Variants in CNTNAP2 observed in about 807,000 individuals in gnomAD.
CNTNAP2 encodes the protein contactin-associated protein-like 2.
CNTNAP2 carries 98 observed loss-of-function variants against 155.2 expected under a neutral mutation model. The ratio of observed to expected loss-of-function variants is 0.63; its 90% confidence interval spans 0.54 to 0.75. CNTNAP2 has a LOEUF of 0.75. CNTNAP2 is among the 30% of genes least tolerant of loss of function. The pLI, the probability that CNTNAP2 is intolerant of heterozygous loss-of-function variation, is 0.00. For synonymous variants in CNTNAP2, 651 were observed against 631.2 expected, an observed-to-expected ratio of 1.03 and a Z score of -0.47; for missense variants, 1,727 against 1,688.1, an observed-to-expected ratio of 1.02 and a Z score of -0.40.
At chr7:148,151,125 GT>G (rs1805288197) in intron 17 of CNTNAP2, among the ~76,000 whole-genome samples, 1 of 152,122 alleles carries the variant, frequency 6.6e-6, no homozygotes, top group African/African-American at 2.4e-5. Flanking sequence ...TAACAATATG[GT>G]CTTTGACTAC....
intron 17 of CNTNAP2, among the ~76,000 whole-genome samples, chr7:148,164,293 T>A (rs1461073355): frequency 6.6e-6 from 1 of 152,052 alleles, no homozygotes; most frequent in African/African-American, 2.4e-5. Flanking sequence ...TAAGAAACAA[T>A]GGTAGCATAT....
At chr7:146,951,894 T>G (rs993955335) in intron 3 of CNTNAP2, among the ~76,000 whole-genome samples, 1 of 152,140 alleles carries the variant, frequency 6.6e-6, no homozygotes, top group Non-Finnish European at 1.5e-5. Context: ...AGTATGGCCA[T>G]TTTCGCGATA....
At chr7:146,385,742 T>A (rs1038691651) in intron 1 of CNTNAP2, among the ~76,000 whole-genome samples, 2 of 152,172 alleles carry the variant, frequency 1.3e-5, no homozygotes, top group African/African-American at 4.8e-5. Flanking sequence ...TCTCATAATA[T>A]CAGAGTTGAA....
intron 11 of CNTNAP2, among the ~76,000 whole-genome samples, chr7:147,529,189 T>C (rs906040539): frequency 6.6e-6 from 1 of 152,226 alleles, no homozygotes; most frequent in South Asian, 2.1e-4. Context: ...ATTTGGATTG[T>C]TTTTATACCA....
At chr7:147,496,024 A>T (rs1367778121) in intron 11 of CNTNAP2, among the ~76,000 whole-genome samples, 1 of 152,160 alleles carries the variant, frequency 6.6e-6, no homozygotes, top group Non-Finnish European at 1.5e-5. Flanking sequence ...TCCTTATGAG[A>T]ATCTAATGCC....
chr7:146,229,672 G>T (rs1324745965), intron 1 of CNTNAP2, among the ~76,000 whole-genome samples: 2 of 151,598 alleles, frequency 1.3e-5, no homozygotes, highest in Non-Finnish European at 2.9e-5. Flanking sequence ...TTCATCTTTT[G>T]GTAGTAAACT....
At chr7:146,497,113 C>A (rs149753488) in intron 1 of CNTNAP2, among the ~76,000 whole-genome samples, 35 of 152,286 alleles carry the variant, frequency 2.3e-4, no homozygotes, top group African/African-American at 8.4e-4. Flanking sequence ...ACGTGTCAGT[C>A]TCTGCTCTTC....
chr7:146,276,246 C>T (rs916661011), intron 1 of CNTNAP2, among the ~76,000 whole-genome samples: 8 of 152,150 alleles, frequency 5.3e-5, no homozygotes, highest in African/African-American at 1.9e-4. Flanking sequence ...ATTTGCTAAA[C>T]ATAAAGTCAA....
chr7:148,132,309 C>T (rs1480079646), intron 16 of CNTNAP2, among the ~76,000 whole-genome samples: 1 of 151,698 alleles, frequency 6.6e-6, no homozygotes, highest in African/African-American at 2.4e-5. Flanking sequence ...GGAGTGTGGT[C>T]ACAGTAAAAA....
intron 1 of CNTNAP2, among the ~76,000 whole-genome samples, chr7:146,560,805 C>G (rs1798269001): frequency 1.3e-5 from 2 of 152,156 alleles, no homozygotes; most frequent in South Asian, 4.1e-4. Flanking sequence ...TAGTACTTCT[C>G]TCTATTCCAA....
intron 10 of CNTNAP2, among the ~76,000 whole-genome samples, chr7:147,468,815 T>G (rs144371568): frequency 7.5e-6 from 1 of 134,124 alleles, no homozygotes; most frequent in Non-Finnish European, 1.5e-5. Flanking sequence ...TGCCTTATTA[T>G]TTTCTTTTTT....
At chr7:148,042,032 G>T (rs887097243) in intron 15 of CNTNAP2, among the ~76,000 whole-genome samples, 1 of 152,160 alleles carries the variant, frequency 6.6e-6, no homozygotes. Flanking sequence ...TGGGAAGATT[G>T]AAAGGTCAGC....
intron 10 of CNTNAP2, among the ~76,000 whole-genome samples, chr7:147,418,828 G>A (rs1187144298): frequency 6.6e-6 from 1 of 152,198 alleles, no homozygotes; most frequent in East Asian, 1.9e-4. Context: ...AGTTAGGATA[G>A]AATCTAGAGG....
intron 13 of CNTNAP2, among the ~76,000 whole-genome samples, chr7:147,803,593 T>A (rs766787645): frequency 6.6e-6 from 1 of 152,196 alleles, no homozygotes; most frequent in Non-Finnish European, 1.5e-5. Flanking sequence ...AAGAATGATA[T>A]GAAACAAAGG....
chr7:148,126,089 T>C (rs1804711941), intron 16 of CNTNAP2, among the ~76,000 whole-genome samples: 1 of 152,174 alleles, frequency 6.6e-6, no homozygotes, highest in Non-Finnish European at 1.5e-5. Flanking sequence ...TATTTACTTC[T>C]GACTGGAGAA....
intron 1 of CNTNAP2, among the ~76,000 whole-genome samples, chr7:146,175,313 A>C (rs1438537060): frequency 6.6e-6 from 1 of 152,244 alleles, no homozygotes; most frequent in Non-Finnish European, 1.5e-5. Flanking sequence ...GTCACCAGGC[A>C]AGAAGGCTAA....
chr7:147,571,277 C>T (rs1226139560), intron 12 of CNTNAP2, among the ~76,000 whole-genome samples: 1 of 113,152 alleles, frequency 8.8e-6, no homozygotes, highest in African/African-American at 3.4e-5. Context: ...CCCCTCCCCC[C>T]ACCCCACAAC....
At chr7:146,242,026 A>C (rs1237229710) in intron 1 of CNTNAP2, among the ~76,000 whole-genome samples, 3 of 152,178 alleles carry the variant, frequency 2.0e-5, no homozygotes. Context: ...ACTTCTTCAC[A>C]TGTCAATTTC....
intron 1 of CNTNAP2, among the ~76,000 whole-genome samples, chr7:146,644,624 C>T (rs1395413706): frequency 1.3e-4 from 20 of 151,648 alleles, no homozygotes; most frequent in South Asian, 8.3e-4. Context: ...CGCAAATAGA[C>T]GCAATAAAAA....
Sources: gnomAD v4.1 joint callset for allele counts (sites outside exome capture counted in the v4.1 genomes callset) on GRCh38, gnomAD v4.1.1 for gene constraint, MANE v1.5 for transcripts, NCBI Gene and HGNC (gene_info 2026-07-23, HGNC 2026-07-21) for gene names.